Variants in MAPK8 observed in about 807,000 individuals in gnomAD.
MAPK8 encodes the protein JUN N-terminal kinase.
A neutral mutation model predicts 52.9 loss-of-function variants in MAPK8; 13 were observed. The ratio of observed to expected loss-of-function variants is 0.25; its 90% CI spans 0.16 to 0.39. The LOEUF (loss-of-function observed/expected upper bound fraction) is 0.39, where lower values mean the gene tolerates loss of function less well. Among genes scored for constraint, MAPK8 ranks in the 10% least tolerant of loss-of-function variants. The pLI is 1.00. For missense variants in MAPK8, 300 were observed against 519.2 expected (o/e 0.58, Z 4.10); for synonymous variants, 191 against 169.8 (o/e 1.12, Z -0.97).
chr10:48,382,749 A>T (rs868250432), intron 1 of MAPK8, among the ~76,000 whole-genome samples: 1 of 147,896 alleles, frequency 6.8e-6, no homozygotes, highest in African/African-American at 2.5e-5. Flanking sequence ...ACAAAAAAAA[A>T]ATATTTTATA....
At chr10:48,402,466 G>A (rs769275975) in intron 2 of MAPK8, among the ~76,000 whole-genome samples, 33 of 152,294 alleles carry the variant, frequency 2.2e-4, no homozygotes, top group Middle Eastern at 3.4e-3. Flanking sequence ...TCATCCATAT[G>A]TTTAAAATTG....
chr10:48,412,458 TCA>T (rs1183500997), intron 5 of MAPK8, among the ~76,000 whole-genome samples: 6 of 152,352 alleles, frequency 3.9e-5, no homozygotes, highest in Non-Finnish European at 7.3e-5. Context: ...TAGCAAATTT[TCA>T]GTCATTATTT....
At chr10:48,309,932 G>C (rs1841810709) in intron 1 of MAPK8, among the ~76,000 whole-genome samples, 1 of 152,216 alleles carries the variant, frequency 6.6e-6, no homozygotes, top group African/African-American at 2.4e-5. Context: ...ATTTGCCTAT[G>C]TCAGTGAACT....
chr10:48,426,936 C>T, intron 9 of MAPK8, 144 bp from the exon 10 acceptor site: 2 of 594,988 alleles, frequency 3.4e-6, no homozygotes, highest in Non-Finnish European at 6.0e-6. Context: ...ACTATTATGT[C>T]TGTATAAGTA....
chr10:48,314,420 A>G (rs1842297729), intron 1 of MAPK8, among the ~76,000 whole-genome samples: 1 of 152,184 alleles, frequency 6.6e-6, no homozygotes, highest in South Asian at 2.1e-4. Flanking sequence ...CCATAACATC[A>G]TTATACTGGT....
At chr10:48,326,412 C>G (rs748535977) in intron 1 of MAPK8, among the ~76,000 whole-genome samples, 1 of 152,160 alleles carries the variant, frequency 6.6e-6, no homozygotes, top group African/African-American at 2.4e-5. Flanking sequence ...CACTTACTTT[C>G]TGGCACTGCA....
chr10:48,313,204 G>A (rs1364622101), intron 1 of MAPK8, among the ~76,000 whole-genome samples: 6 of 152,146 alleles, frequency 3.9e-5, no homozygotes, highest in South Asian at 2.1e-4. Context: ...AGGCCGAGGC[G>A]GGCGGATCAC....
intron 5 of MAPK8, among the ~76,000 whole-genome samples, chr10:48,411,157 G>T (rs1270728746): frequency 6.6e-6 from 1 of 152,086 alleles, no homozygotes; most frequent in East Asian, 1.9e-4. Context: ...TTCATCACTT[G>T]TGCTTTTGGT....
intron 1 of MAPK8, 100 bp from the exon 2 acceptor site, chr10:48,401,512 A>G: frequency 1.5e-6 from 1 of 661,000 alleles, no homozygotes; most frequent in Non-Finnish European, 2.5e-6. Flanking sequence ...TTCATGATCT[A>G]GCAGTCTGTG....
chr10:48,412,065 C>T (rs560316677), intron 5 of MAPK8, among the ~76,000 whole-genome samples: 5 of 152,300 alleles, frequency 3.3e-5, no homozygotes, highest in Admixed American at 1.3e-4. Context: ...AGGCTGGTCT[C>T]GAACCCCTGA....
At chr10:48,390,484 T>C (rs1055211515) in intron 1 of MAPK8, among the ~76,000 whole-genome samples, 1 of 152,236 alleles carries the variant, frequency 6.6e-6, no homozygotes. Context: ...TGATTACAGC[T>C]GTCTTAAATT....
intron 1 of MAPK8, among the ~76,000 whole-genome samples, chr10:48,350,594 C>CT (rs936879463): frequency 5.9e-5 from 9 of 152,072 alleles, no homozygotes; most frequent in African/African-American, 2.2e-4. Context: ...ACTCAACAAA[C>CT]TAAGTATTGA....
rs190274137 is a variant in MAPK8 at position 48,354,424 on chromosome 10, A to C, written c.-49-47188A>C. 1.1e-3 allele frequency among the ~76,000 whole-genome samples: 163 copies of C among 152,312 alleles called. 3 individuals are homozygous for C. Among genetic ancestry groups the C allele is most frequent in the Admixed American group, 9.3e-3 (142 of 15,304 alleles). On this transcript the variant is annotated intron_variant, in intron 1 of 11. Coordinates refer to ENST00000374189, the MANE Select transcript of MAPK8 (RefSeq NM_001323329.2). ...CCTCTTCACCTTAAAGCTGAGACTC[A>C]GCTAAACTGGAAACCACCACCAATC...
chr10:48,345,973 A>G (rs973986886), intron 1 of MAPK8, among the ~76,000 whole-genome samples: 1 of 152,232 alleles, frequency 6.6e-6, no homozygotes, highest in Non-Finnish European at 1.5e-5. Context: ...CACAGTGTTT[A>G]GGCTGTAACA....
intron 1 of MAPK8, among the ~76,000 whole-genome samples, chr10:48,387,109 G>T (rs61838676): frequency 0.11 from 16,060 of 152,172 alleles, 1,138 homozygotes; most frequent in Admixed American, 0.25. Flanking sequence ...TTATGAATAG[G>T]TCTTTAAAAA....
chr10:48,405,023 A>T, intron 3 of MAPK8, 42 bp downstream of exon 3: 1 of 1,402,470 alleles, frequency 7.1e-7, no homozygotes, highest in Non-Finnish European at 9.8e-7. Context: ...GATGAAATCA[A>T]GATTTATTCA....
intron 1 of MAPK8, among the ~76,000 whole-genome samples, chr10:48,344,220 A>G (rs1482671077): frequency 6.6e-6 from 1 of 152,246 alleles, no homozygotes; most frequent in Non-Finnish European, 1.5e-5. Flanking sequence ...AAATTGTTAT[A>G]ATACAGTCCA....
At chr10:48,381,474 A>G (rs1589134639) in intron 1 of MAPK8, among the ~76,000 whole-genome samples, 1 of 152,308 alleles carries the variant, frequency 6.6e-6, no homozygotes, top group Admixed American at 6.5e-5. Flanking sequence ...TATATTAACT[A>G]CGATTTTAAC....
At chr10:48,322,322 A>AAC (rs1451424228) in intron 1 of MAPK8, among the ~76,000 whole-genome samples, 2 of 151,678 alleles carry the variant, frequency 1.3e-5, no homozygotes, top group East Asian at 3.9e-4. Context: ...ATTTAAAAAA[A>AAC]AAAACTTTTT....
Sources: gnomAD v4.1 joint callset for allele counts (sites outside exome capture counted in the v4.1 genomes callset) on GRCh38, gnomAD v4.1.1 for gene constraint, MANE v1.5 for transcripts, NCBI Gene and HGNC (gene_info 2026-07-23, HGNC 2026-07-21) for gene names.